The following KAZN variants were observed in gnomAD, a reference collection of about 807,000 sequenced individuals.
KAZN encodes kazrin.
In KAZN, 40 loss-of-function variants were observed where a neutral mutation model predicts 87.4. That is an observed-to-expected ratio of 0.46 (90% CI 0.36 to 0.60). KAZN has a LOEUF of 0.60. KAZN is among the 20% of genes least tolerant of loss of function. The pLI is 0.00. For synonymous variants in KAZN, 466 were observed against 458.3 expected (o/e 1.02, Z -0.22); for missense variants, 898 against 1,073.9 (o/e 0.84, Z 2.29).
intron 1 of KAZN, among the ~76,000 whole-genome samples, chr1:14,638,798 A>C (rs144328549): frequency 0.011 from 1,685 of 152,146 alleles, 15 homozygotes; most frequent in Middle Eastern, 0.027. Flanking sequence ...TGTCTCCTGG[A>C]CAGACAGCAG....
intron 2 of KAZN, among the ~76,000 whole-genome samples, chr1:14,281,980 T>A (rs746120669): frequency 5.9e-5 from 9 of 152,148 alleles, no homozygotes; most frequent in Non-Finnish European, 1.2e-4. Flanking sequence ...GCCCCCCAGC[T>A]CCCCACACCT....
At chr1:14,868,807 G>A (rs377492911) in intron 1 of KAZN, among the ~76,000 whole-genome samples, 34 of 151,932 alleles carry the variant, frequency 2.2e-4, no homozygotes, top group African/African-American at 8.0e-4. Context: ...TCATGCCACT[G>A]CACTCCAGCC....
chr1:14,167,270 T>TCC (rs1449937514), intron 1 of KAZN, among the ~76,000 whole-genome samples: 1 of 152,234 alleles, frequency 6.6e-6, no homozygotes, highest in African/African-American at 2.4e-5. Flanking sequence ...TGCATTCCAT[T>TCC]CCATATTTCA....
In KAZN at chr1:14,763,890, C is replaced by A. The variant is rs191429225; in HGVS notation, c.226+164667C>A. ...TCAGCCTCCCAAGTAGCTGGGGTTA[C>A]AGGCACGTGCCACCACACCCAGCTA... On this transcript the variant is annotated intron_variant, in intron 1 of 14. Transcript: ENST00000376030. Among the ~76,000 whole-genome samples the A allele has an allele frequency of 1.4e-3, 217 of 152,306 alleles. 4 individuals carry two copies. The East Asian group carries it at 0.034, about 24-fold the overall frequency.
chr1:14,816,043 G>A (rs558369912), intron 1 of KAZN, among the ~76,000 whole-genome samples: 29 of 152,202 alleles, frequency 1.9e-4, no homozygotes, highest in Non-Finnish European at 3.2e-4. Flanking sequence ...TAGAAGGCCC[G>A]GAGCCTCTTG....
intron 1 of KAZN, among the ~76,000 whole-genome samples, chr1:14,857,416 T>A (rs901503497): frequency 5.3e-5 from 8 of 152,010 alleles, no homozygotes; most frequent in African/African-American, 1.9e-4. Flanking sequence ...GTGGCACACA[T>A]TTGTGGTCCC....
chr1:14,565,371 A>G (rs1674494159), intron 2 of KAZN, among the ~76,000 whole-genome samples: 1 of 148,074 alleles, frequency 6.8e-6, no homozygotes, highest in African/African-American at 2.5e-5. Context: ...CTAAAAAGCA[A>G]TGTACATACC....
chr1:15,114,017 G>C (rs1641752698), intron 14 of KAZN: 1 of 156,808 alleles, frequency 6.4e-6, no homozygotes, highest in African/African-American at 2.4e-5. Context: ...ACCTGGGTCT[G>C]TGAGTCTCCA....
At chr1:14,304,814 C>A (rs554227241) in intron 2 of KAZN, among the ~76,000 whole-genome samples, 48 of 152,200 alleles carry the variant, frequency 3.2e-4, no homozygotes, top group African/African-American at 1.2e-3. Flanking sequence ...AACAGTTCAC[C>A]GAGCTCCTGG....
intron 2 of KAZN, among the ~76,000 whole-genome samples, chr1:14,268,828 A>G (rs543243731): frequency 1.3e-5 from 2 of 152,382 alleles, no homozygotes; most frequent in Admixed American, 6.5e-5. Context: ...GAATGCCTGC[A>G]ATGTTTAAAT....
At chr1:14,711,846 CA>C (rs1642504292) in intron 1 of KAZN, among the ~76,000 whole-genome samples, 1 of 152,118 alleles carries the variant, frequency 6.6e-6, no homozygotes, top group Non-Finnish European at 1.5e-5. Flanking sequence ...TCAGAGGGCC[CA>C]AAAGTCTGCG....
chr1:14,869,572 C>G (rs1651915949), intron 1 of KAZN, among the ~76,000 whole-genome samples: 2 of 152,148 alleles, frequency 1.3e-5, no homozygotes, highest in African/African-American at 4.8e-5. Context: ...TGTCACAGCC[C>G]CTGGGCTCTT....
chr1:14,874,801 T>A (rs1652572945), intron 1 of KAZN, among the ~76,000 whole-genome samples: 1 of 152,120 alleles, frequency 6.6e-6, no homozygotes, highest in Admixed American at 6.5e-5. Flanking sequence ...CTTGGTCGAA[T>A]GTTTCCCCTT....
At chr1:14,632,868 A>G (rs1679673282) in intron 1 of KAZN, among the ~76,000 whole-genome samples, 1 of 152,028 alleles carries the variant, frequency 6.6e-6, no homozygotes, top group Non-Finnish European at 1.5e-5. Context: ...ACAGGATTGG[A>G]AGAGTCACTG....
intron 1 of KAZN, among the ~76,000 whole-genome samples, chr1:14,904,292 G>A (rs1320681119): frequency 2.1e-5 from 3 of 141,292 alleles, no homozygotes; most frequent in Admixed American, 7.4e-5. Context: ...GCGAAAGAGC[G>A]AGACTCCGTC....
chr1:14,719,086 A>G (rs998600536), intron 1 of KAZN, among the ~76,000 whole-genome samples: 1 of 152,170 alleles, frequency 6.6e-6, no homozygotes, highest in Non-Finnish European at 1.5e-5. Flanking sequence ...CCATAGGACC[A>G]ACCCACACTC....
intron 1 of KAZN, among the ~76,000 whole-genome samples, chr1:14,048,466 C>T (rs192246342): frequency 9.3e-5 from 14 of 150,556 alleles, no homozygotes; most frequent in Admixed American, 3.3e-4. Flanking sequence ...TGCAGTGGAG[C>T]GATCTTGGCT....
At chr1:15,034,259 G>A (rs753623641) in intron 2 of KAZN, among the ~76,000 whole-genome samples, 4 of 152,148 alleles carry the variant, frequency 2.6e-5, no homozygotes, top group Non-Finnish European at 5.9e-5. Context: ...CTACACTTTT[G>A]GTATATGTCT....
At position 14,000,282 on chromosome 1, in the gene KAZN, G is replaced by A. The variant is rs190410591; in HGVS notation, c.91+106526G>A. Among the ~76,000 whole-genome samples, 1,109 of 152,262 alleles carry A rather than the reference G, an allele frequency of 7.3e-3. 43 individuals carry two copies. Among genetic ancestry groups the A allele is most frequent in the Admixed American group, 0.068 (1,042 of 15,302 alleles). On this transcript the variant is annotated intron_variant, in intron 1 of 16. Transcript: ENST00000636203. ...CAGGCCAATATCCCTGATGAACATC[G>A]ATGCAAAAATCCTCAATAAAATACT...
Sources: gnomAD v4.1 joint callset for allele counts (sites outside exome capture counted in the v4.1 genomes callset) on GRCh38, gnomAD v4.1.1 for gene constraint, MANE v1.5 for transcripts, NCBI Gene and HGNC (gene_info 2026-07-23, HGNC 2026-07-21) for gene names.